Variants in STAG2 observed in about 807,000 individuals in gnomAD.
STAG2 encodes cohesin subunit SA-2.
A neutral mutation model predicts 108.1 loss-of-function variants in STAG2; 14 were observed. That is an observed-to-expected ratio of 0.13 (90% CI 0.09 to 0.20). STAG2 has a LOEUF of 0.20. Among genes scored for constraint, STAG2 ranks in the 10% least tolerant of loss-of-function variants. The probability of loss-of-function intolerance (pLI) is 1.00; values close to 1 mark genes in which losing one functional copy is unlikely to be tolerated. For missense variants in STAG2, 440 were observed against 940.9 expected, an observed-to-expected ratio of 0.47 and a Z score of 6.96; for synonymous variants, 307 against 302.7, an observed-to-expected ratio of 1.01 and a Z score of -0.15.
intron 1 of STAG2, among the ~76,000 whole-genome samples, chrX:123,986,206 T>G (rs1293548760): frequency 9.3e-6 from 1 of 107,175 alleles, no homozygotes; most frequent in Non-Finnish European, 1.9e-5. Context: ...TGTATATATG[T>G]GTGTATATAT....
chrX:124,058,172 T>TTG, intron 15 of STAG2, among the ~76,000 whole-genome samples, 195 bp downstream of exon 15: 1 of 101,825 alleles, frequency 9.8e-6, no homozygotes, highest in South Asian at 4.7e-4. Context: ...TTTTTTTTTT[T>TTG]TTTGAGACGG....
chrX:124,030,895 C>T, intron 4 of STAG2, 66 bp from the exon 5 acceptor site: 1 of 1,057,277 alleles, frequency 9.5e-7, no homozygotes, highest in Admixed American at 3.2e-5. Flanking sequence ...GCTACTTCTA[C>T]TGTAGCTGTG....
intron 5 of STAG2, among the ~76,000 whole-genome samples, chrX:124,036,442 T>C (rs1373916415): frequency 8.9e-6 from 1 of 112,004 alleles, no homozygotes; most frequent in Non-Finnish European, 1.9e-5. Flanking sequence ...GGGAGTGCAG[T>C]GGTGCGACCT....
At chrX:124,083,989 T>A (rs2059029943) in intron 29 of STAG2, among the ~76,000 whole-genome samples, 1 of 111,363 alleles carries the variant, frequency 9.0e-6, no homozygotes, top group African/African-American at 3.3e-5. Context: ...AAAAGAATAA[T>A]AAAGGCAATC....
chrX:124,020,404 TC>T (rs774532075), intron 1 of STAG2, among the ~76,000 whole-genome samples: 83 of 112,380 alleles, frequency 7.4e-4, no homozygotes, highest in Admixed American at 1.5e-3. Flanking sequence ...CCTGACCTGT[TC>T]ATTAGAATTT....
chrX:124,029,602 C>T (rs2057269018), intron 4 of STAG2, among the ~76,000 whole-genome samples: 2 of 112,644 alleles, frequency 1.8e-5, no homozygotes, highest in Admixed American at 9.4e-5. Flanking sequence ...TGAGCCACCA[C>T]GCTGGGCTGT....
intron 1 of STAG2, among the ~76,000 whole-genome samples, chrX:124,018,054 C>G (rs2056790467): frequency 8.9e-6 from 1 of 111,829 alleles, no homozygotes; most frequent in African/African-American, 3.2e-5. Context: ...AAAGCAGAAG[C>G]TAGTTGTTGC....
intron 14 of STAG2, 38 bp downstream of exon 14, chrX:124,056,273 A>G: frequency 2.1e-6 from 2 of 965,937 alleles, no homozygotes; most frequent in African/African-American, 1.9e-5. Flanking sequence ...TCTAAGGCAT[A>G]CTTTCATAAC....
intron 1 of STAG2, among the ~76,000 whole-genome samples, chrX:124,016,440 T>G (rs887696929): frequency 2.7e-5 from 3 of 112,301 alleles, no homozygotes; most frequent in Admixed American, 1.9e-4. Context: ...TTCCTTTGCT[T>G]CTTTTTTGTT....
intron 1 of STAG2, among the ~76,000 whole-genome samples, chrX:123,997,700 C>G (rs1444362291): frequency 8.9e-6 from 1 of 112,358 alleles, no homozygotes; most frequent in East Asian, 2.8e-4. Context: ...TGCATTGGCA[C>G]GATCTCGGCT....
chrX:124,037,772 A>G (rs1277580847), intron 6 of STAG2, 149 bp downstream of exon 6: 3 of 219,830 alleles, frequency 1.4e-5, no homozygotes, highest in East Asian at 1.6e-4. Context: ...AAAAAAGAGC[A>G]AAGGACAAAG....
chrX:123,996,244 CA>C (rs1477192399), intron 1 of STAG2, among the ~76,000 whole-genome samples: 1 of 112,320 alleles, frequency 8.9e-6, no homozygotes, highest in African/African-American at 3.2e-5. Flanking sequence ...AAAACAATCA[CA>C]GCAACATAGA....
At chrX:123,999,520 T>C (rs1375623132) in intron 1 of STAG2, among the ~76,000 whole-genome samples, 1 of 111,507 alleles carries the variant, frequency 9.0e-6, no homozygotes, top group Non-Finnish European at 1.9e-5. Context: ...CATAGCTCAC[T>C]GCAATCTCCC....
chrX:123,998,530 C>T (rs1242945001), intron 1 of STAG2, among the ~76,000 whole-genome samples: 2 of 105,345 alleles, frequency 1.9e-5, no homozygotes, highest in East Asian at 3.0e-4. Context: ...TCCACAGTTA[C>T]ATCCCCACAG....
At chrX:124,088,834 G>A (rs1227456169) in intron 30 of STAG2, among the ~76,000 whole-genome samples, 3 of 105,980 alleles carry the variant, frequency 2.8e-5, no homozygotes, top group African/African-American at 1.0e-4. Flanking sequence ...GGCTGGTCTC[G>A]AACTCCCAAC....
intron 9 of STAG2, among the ~76,000 whole-genome samples, chrX:124,048,580 C>A (rs1042888393): frequency 1.8e-5 from 2 of 111,200 alleles, no homozygotes; most frequent in Non-Finnish European, 3.8e-5. Flanking sequence ...TAGGCTTGTG[C>A]CACCATGCCT....
intron 21 of STAG2, 32 bp downstream of exon 21, chrX:124,065,978 A>C (rs2058512860): frequency 1.8e-6 from 2 of 1,088,205 alleles, no homozygotes; most frequent in Non-Finnish European, 2.5e-6. Context: ...CTGTTTTCTT[A>C]AATCTGTAGA....
intron 25 of STAG2, among the ~76,000 whole-genome samples, chrX:124,072,179 A>G (rs753381791): frequency 9.0e-6 from 1 of 110,827 alleles, no homozygotes; most frequent in South Asian, 3.9e-4. Context: ...TGCTTGGCTA[A>G]TTTTTTGTAG....
intron 5 of STAG2, among the ~76,000 whole-genome samples, chrX:124,033,767 A>T (rs1056217615): frequency 4.5e-5 from 5 of 111,636 alleles, no homozygotes; most frequent in Admixed American, 3.8e-4. Flanking sequence ...TGTCTAAAAA[A>T]ACAAACAAAA....
Sources: allele counts gnomAD v4.1 joint callset (sites outside exome capture counted in the v4.1 genomes callset), GRCh38; gene constraint gnomAD v4.1.1; transcripts MANE v1.5; gene names NCBI Gene and HGNC (gene_info 2026-07-23, HGNC 2026-07-21).